Variants in PCNX1 observed in about 807,000 individuals in gnomAD.
The protein encoded by PCNX1 is pecanex-like protein 1.
PCNX1 carries 78 observed loss-of-function variants against 242.2 expected under a neutral mutation model. The ratio of observed to expected loss-of-function variants is 0.32; its 90% CI spans 0.27 to 0.39. The LOEUF (loss-of-function observed/expected upper bound fraction) is 0.39. Among genes scored for constraint, PCNX1 ranks in the 10% least tolerant of loss-of-function variants. PCNX1 has a pLI of 1.00. For synonymous variants in PCNX1, 1,024 were observed against 1,032.9 expected (o/e 0.99, Z 0.17); for missense variants, 2,581 against 2,856.5 (o/e 0.90, Z 2.20).
intron 13 of PCNX1, 80 bp from the exon 14 acceptor site, chr14:71,026,037 A>G (rs769955742): frequency 4.2e-5 from 35 of 836,922 alleles, no homozygotes; most frequent in Non-Finnish European, 5.7e-5. Context: ...AATCCTTAGA[A>G]TAAAGCCATC....
At chr14:71,009,197 A>G (rs1489902467) in intron 8 of PCNX1, among the ~76,000 whole-genome samples, 1 of 152,214 alleles carries the variant, frequency 6.6e-6, no homozygotes, top group East Asian at 1.9e-4. Context: ...TTCTTAAGAA[A>G]CACAGCTCAG....
intron 24 of PCNX1, among the ~76,000 whole-genome samples, 187 bp from the exon 25 acceptor site, chr14:71,055,317 A>AT (rs1224464009): frequency 2.0e-5 from 3 of 151,634 alleles, no homozygotes; most frequent in South Asian, 2.1e-4. Flanking sequence ...AGGGGGAAGA[A>AT]TTTTTTTTTA....
At chr14:71,017,856 CTATTAAATG>C (rs1040030090) in intron 11 of PCNX1, among the ~76,000 whole-genome samples, 1 of 152,110 alleles carries the variant, frequency 6.6e-6, no homozygotes, top group Non-Finnish European at 1.5e-5. Context: ...TCTGGTAGAA[CTATTAAATG>C]TATTAAGTAC....
intron 19 of PCNX1, 150 bp from the exon 20 acceptor site, chr14:71,044,983 A>G: frequency 1.7e-6 from 1 of 593,830 alleles, no homozygotes; most frequent in Non-Finnish European, 2.9e-6. Flanking sequence ...TACATAATTT[A>G]GAAATGTTAA....
At chr14:70,973,347 T>C (rs1471863506) in intron 5 of PCNX1, among the ~76,000 whole-genome samples, 1 of 151,744 alleles carries the variant, frequency 6.6e-6, no homozygotes, top group African/African-American at 2.4e-5. Context: ...TAGGAACAAC[T>C]AGTGAGATCA....
intron 27 of PCNX1, among the ~76,000 whole-genome samples, chr14:71,075,872 T>C (rs938432416): frequency 2.6e-5 from 4 of 151,942 alleles, no homozygotes; most frequent in Non-Finnish European, 4.4e-5. Context: ...GGCGACAGAG[T>C]AAGACTCTGT....
chr14:71,072,028 A>G (rs549253125), intron 26 of PCNX1, among the ~76,000 whole-genome samples: 11 of 152,328 alleles, frequency 7.2e-5, no homozygotes, highest in African/African-American at 2.4e-4. Flanking sequence ...TGGTACTCCA[A>G]AGTACTTAGA....
At chr14:71,076,075 A>T in intron 27 of PCNX1, 114 bp from the exon 28 acceptor site, 1 of 651,536 alleles carries the variant, frequency 1.5e-6, no homozygotes, top group Non-Finnish European at 2.6e-6. Context: ...CAGACTAAAA[A>T]GTGTTTTACT....
At chr14:70,945,424 T>G (rs1159438237) in intron 1 of PCNX1, among the ~76,000 whole-genome samples, 1 of 152,198 alleles carries the variant, frequency 6.6e-6, no homozygotes, top group African/African-American at 2.4e-5. Context: ...TTAGATACAT[T>G]AATATGCAGG....
At chr14:71,003,220 A>G (rs2140430114) in intron 8 of PCNX1, among the ~76,000 whole-genome samples, 1 of 151,362 alleles carries the variant, frequency 6.6e-6, no homozygotes, top group South Asian at 2.1e-4. Flanking sequence ...AGTAGCTGGG[A>G]TTACAGGTGC....
At chr14:71,107,254 A>G (rs570357159) in intron 33 of PCNX1, among the ~76,000 whole-genome samples, 31 of 152,054 alleles carry the variant, frequency 2.0e-4, no homozygotes, top group Non-Finnish European at 4.0e-4. Context: ...AAATTTAAAT[A>G]TATATATTTT....
chr14:71,008,040 A>T (rs1276524002), intron 8 of PCNX1, among the ~76,000 whole-genome samples: 9 of 152,168 alleles, frequency 5.9e-5, no homozygotes, highest in African/African-American at 2.2e-4. Context: ...TTTCACAGAA[A>T]ACCTTTTTTT....
At chr14:71,022,298 G>C (rs1380860079) in intron 12 of PCNX1, among the ~76,000 whole-genome samples, 3 of 152,018 alleles carry the variant, frequency 2.0e-5, no homozygotes, top group African/African-American at 7.3e-5. Flanking sequence ...AATTAATTTT[G>C]TCCACTGCTT....
At chr14:71,073,465 C>G in intron 26 of PCNX1, 80 bp from the exon 27 acceptor site, 1 of 1,332,622 alleles carries the variant, frequency 7.5e-7, no homozygotes, top group East Asian at 2.3e-5. Flanking sequence ...GTATTTTTTT[C>G]TAAATCTTAT....
At chr14:70,922,029 A>G (rs932761991) in intron 1 of PCNX1, among the ~76,000 whole-genome samples, 3 of 152,196 alleles carry the variant, frequency 2.0e-5, no homozygotes, top group African/African-American at 7.2e-5. Context: ...TGAATGCCTG[A>G]AAACATCTTA....
intron 2 of PCNX1, among the ~76,000 whole-genome samples, chr14:70,951,741 T>G (rs1431785079): frequency 6.6e-6 from 1 of 151,974 alleles, no homozygotes; most frequent in African/African-American, 2.4e-5. Context: ...TCATGTGTGC[T>G]TATCCTCCAG....
chr14:71,034,387 A>G (rs1595320133), intron 18 of PCNX1, among the ~76,000 whole-genome samples: 1 of 152,150 alleles, frequency 6.6e-6, no homozygotes, highest in Non-Finnish European at 1.5e-5. Flanking sequence ...GTTGTTGTTC[A>G]TCTTGTTGTT....
At chr14:71,000,119 A>C (rs1224644609) in intron 8 of PCNX1, among the ~76,000 whole-genome samples, 1 of 152,158 alleles carries the variant, frequency 6.6e-6, no homozygotes, top group African/African-American at 2.4e-5. Flanking sequence ...GAGGGGCAAC[A>C]AAGTATATAT....
At chr14:71,079,957 C>T (rs538709417) in intron 28 of PCNX1, among the ~76,000 whole-genome samples, 1 of 152,222 alleles carries the variant, frequency 6.6e-6, no homozygotes, top group South Asian at 2.1e-4. Context: ...ATGCCTATGT[C>T]CTGAATGGTA....
Sources: gnomAD v4.1 joint callset for allele counts (sites outside exome capture counted in the v4.1 genomes callset) on GRCh38, gnomAD v4.1.1 for gene constraint, MANE v1.5 for transcripts, NCBI Gene and HGNC (gene_info 2026-07-23, HGNC 2026-07-21) for gene names.